The following RBM17 variants were observed in gnomAD, a reference collection of about 807,000 sequenced individuals.
RBM17 encodes RNA binding motif protein 17.
In RBM17, 7 loss-of-function variants were observed where a neutral mutation model predicts 53.2. The ratio of observed to expected loss-of-function variants is 0.13; its 90% CI spans 0.07 to 0.25. RBM17 has a LOEUF of 0.25. Among genes scored for constraint, RBM17 ranks in the 10% least tolerant of loss-of-function variants. The pLI is 1.00. For synonymous variants in RBM17, 167 were observed against 178.1 expected, an observed-to-expected ratio of 0.94 and a Z score of 0.50; for missense variants, 257 against 496.7, an observed-to-expected ratio of 0.52 and a Z score of 4.59.
Position 6,116,444 on chromosome 10 carries a change from T to C in RBM17, c.*888T>C, listed in dbSNP as rs1840918515. The C allele has an allele frequency of 6.6e-6, 1 of 152,382 alleles. No individual in the cohort carries two copies. The highest frequency in any genetic ancestry group is 2.4e-5 in the African/African-American group (1 of 41,450). 9.4% of individuals were successfully genotyped at this position (152,382 alleles called of 1,614,324 possible). A position where few individuals can be genotyped will look rare whatever the true frequency, so the allele number is the denominator to read the frequency against. The stretch of plus-strand genomic sequence containing the variant: ...TCCACGTTGGCCAAGTAAACTGTAC[T>C]GCCAATAGAATTCTGGAATTGTGAG... On this transcript the variant is annotated 3_prime_UTR_variant, in exon 12 of 12. Coordinates refer to ENST00000379888, the MANE Select transcript of RBM17 (RefSeq NM_032905.5).
chr10:6,109,498 T>G (rs1187604801), intron 6 of RBM17, among the ~76,000 whole-genome samples: 1 of 152,200 alleles, frequency 6.6e-6, no homozygotes, highest in Non-Finnish European at 1.5e-5. Flanking sequence ...TCTTAAAGCG[T>G]CCTACTGACT....
chr10:6,091,338 C>T (rs1178607757), intron 1 of RBM17, among the ~76,000 whole-genome samples: 1 of 152,122 alleles, frequency 6.6e-6, no homozygotes, highest in Non-Finnish European at 1.5e-5. Flanking sequence ...GGATTACAGG[C>T]GTGAGCCACT....
intron 3 of RBM17, among the ~76,000 whole-genome samples, chr10:6,102,911 C>T (rs1279901940): frequency 2.0e-5 from 3 of 152,128 alleles, no homozygotes; most frequent in Non-Finnish European, 4.4e-5. Flanking sequence ...GCGATCCTTC[C>T]ACCTCAGTCT....
chr10:6,115,586 G>A lies in RBM17; in HGVS notation c.*30G>A, dbSNP rs758256868. 6.6e-6 allele frequency: 9 copies of A among 1,357,708 alleles called. No individual in the cohort carries two copies. Among genetic ancestry groups the A allele is most frequent in the Admixed American group, 3.4e-5 (2 of 59,528 alleles). 84.1% of individuals were successfully genotyped at this position (1,357,708 alleles called of 1,614,324 possible). A position where few individuals can be genotyped will look rare whatever the true frequency, so the allele number is the denominator to read the frequency against. ...AAGAACTAGAGCACGAGTCATCTCC[G>A]GTGATCCTTAAATGAACTGCAGGCT... On this transcript the variant is annotated 3_prime_UTR_variant, in exon 12 of 12. Coordinates refer to ENST00000379888, the MANE Select transcript of RBM17 (RefSeq NM_032905.5).
chr10:6,115,187 A>C, intron 10 of RBM17, 52 bp from the exon 11 acceptor site: 1 of 1,407,802 alleles, frequency 7.1e-7, no homozygotes, highest in Non-Finnish European at 9.9e-7. Context: ...GAGAAAACTC[A>C]TTCAATGCAA....
intron 1 of RBM17, among the ~76,000 whole-genome samples, chr10:6,092,999 C>T (rs921552022): frequency 6.6e-6 from 1 of 152,172 alleles, no homozygotes; most frequent in African/African-American, 2.4e-5. Flanking sequence ...CATAAAATCT[C>T]ATTAATTCAC....
intron 1 of RBM17, among the ~76,000 whole-genome samples, chr10:6,093,242 C>G (rs1840515782): frequency 1.3e-5 from 2 of 152,058 alleles, no homozygotes; most frequent in Admixed American, 1.3e-4. Context: ...TTGAGACAGT[C>G]TCGCTCTATC....
chr10:6,090,362 G>A (rs1355038799), intron 1 of RBM17, among the ~76,000 whole-genome samples: 1 of 152,158 alleles, frequency 6.6e-6, no homozygotes. Flanking sequence ...CATTTTGATC[G>A]TAATGACAGC....
In RBM17 at chr10:6,106,192, A is replaced by G. The variant is rs1840746382; in HGVS notation, c.459A>G (p.Pro153=). The G allele has an allele frequency of 6.2e-7, 1 of 1,613,738 alleles. No individual in the cohort carries two copies. The highest frequency in any genetic ancestry group is 1.1e-5 in the South Asian group (1 of 91,080). Residue 153 remains proline, a synonymous_variant, in exon 5 of 12, where the codon CCA becomes CCG. Transcript: ENST00000379888. ...EASGFARRPD[P]DSDEDEDYER... ...GTGGGTTTGCAAGGAGACCAGATCC[A>G]GATTCTGATGAAGATGAAGATTATG...
At chr10:6,113,408 G>A (rs1840868397) in intron 8 of RBM17, 100 bp from the exon 9 acceptor site, 2 of 821,138 alleles carry the variant, frequency 2.4e-6, no homozygotes, top group Non-Finnish European at 4.0e-6. Flanking sequence ...GATCGCTATT[G>A]AAATTAAATT....
In RBM17 at chr10:6,101,398, G is replaced by T; in HGVS notation, c.240+11G>T. ...GCAGCTGGGCTGAAGGTAAGCCCGC[G>T]CCTGCCTGTGAGCTTGATACGTGTC... On this transcript the variant is annotated intron_variant, in intron 3 of 11. Transcript: ENST00000379888. 6.4e-7 allele frequency: 1 copy of T among 1,550,532 alleles called. No individual in the cohort carries two copies. The highest frequency in any genetic ancestry group is 8.9e-7 in the Non-Finnish European group (1 of 1,125,566).
At chr10:6,108,932 A>G (rs1309988849) in intron 6 of RBM17, among the ~76,000 whole-genome samples, 190 bp downstream of exon 6, 2 of 152,142 alleles carry the variant, frequency 1.3e-5, no homozygotes, top group African/African-American at 4.8e-5. Flanking sequence ...AGACCTTTCT[A>G]CGCCAGGCTC....
chr10:6,097,736 C>G (rs983496358), intron 2 of RBM17, among the ~76,000 whole-genome samples: 1 of 152,218 alleles, frequency 6.6e-6, no homozygotes, highest in Non-Finnish European at 1.5e-5. Flanking sequence ...GCTTTTCAAA[C>G]TTAAGTAGTG....
At position 6,105,058 on chromosome 10, in the gene RBM17, G is replaced by A. The variant is rs773958740; in HGVS notation, c.368G>A (p.Arg123Gln). Residue 123 changes from arginine to glutamine, a missense_variant, in exon 4 of 12, where the codon CGG becomes CAG. By Grantham distance (43) the Arg-to-Gln change is conservative. Transcript: ENST00000379888. ...CAAAGAGAGGAACGACAGAGACAGC[G>A]GGAGCTGGAAAGACAAAAGGAAATA... The part of the protein sequence containing the change: ...KRQREERQRQ[R>Q]ELERQKEIEE... 3 of 1,614,012 alleles carry A rather than the reference G, an allele frequency of 1.9e-6. No individual in the cohort carries two copies. The highest frequency in any genetic ancestry group is 1.7e-6 in the Non-Finnish European group (2 of 1,179,904).
intron 6 of RBM17, among the ~76,000 whole-genome samples, chr10:6,109,147 C>A (rs545061486): frequency 6.6e-6 from 1 of 152,064 alleles, no homozygotes; most frequent in African/African-American, 2.4e-5. Context: ...TTTTTCTTCC[C>A]GTTCCATTTC....
At chr10:6,109,789 A>G (rs1840810358) in intron 6 of RBM17, among the ~76,000 whole-genome samples, 197 bp from the exon 7 acceptor site, 1 of 152,238 alleles carries the variant, frequency 6.6e-6, no homozygotes, top group Non-Finnish European at 1.5e-5. Context: ...GAAAGTTAGA[A>G]TCAGGAAAGT....
intron 1 of RBM17, 148 bp from the exon 2 acceptor site, chr10:6,096,900 G>A (rs1840585506): frequency 1.7e-6 from 1 of 585,942 alleles, no homozygotes; most frequent in Non-Finnish European, 3.0e-6. Context: ...ATCAGGAATA[G>A]CCCTACATTA....
chr10:6,094,481 C>T (rs1344186542), intron 1 of RBM17, among the ~76,000 whole-genome samples: 3 of 152,166 alleles, frequency 2.0e-5, no homozygotes, highest in African/African-American at 7.2e-5. Context: ...TGTTAGTATT[C>T]CCTTTCCATT....
chr10:6,108,933 C>T (rs1840797011), intron 6 of RBM17, among the ~76,000 whole-genome samples, 191 bp downstream of exon 6: 1 of 152,180 alleles, frequency 6.6e-6, no homozygotes, highest in South Asian at 2.1e-4. Flanking sequence ...GACCTTTCTA[C>T]GCCAGGCTCT....
Sources: allele counts gnomAD v4.1 joint callset (sites outside exome capture counted in the v4.1 genomes callset), GRCh38; gene constraint gnomAD v4.1.1; transcripts MANE v1.5; gene names NCBI Gene and HGNC (gene_info 2026-07-23, HGNC 2026-07-21).